DGKB: variants seen among roughly 807,000 people sequenced by gnomAD.
DGKB encodes the protein diacylglycerol kinase beta.
In DGKB, 67 loss-of-function variants were observed where a neutral mutation model predicts 114.3. The observed-to-expected ratio is 0.59, with a 90% CI of 0.48 to 0.72. DGKB has a LOEUF of 0.72. DGKB is among the 30% of genes least tolerant of loss of function. The pLI is 0.00. For missense variants in DGKB, 907 were observed against 975.2 expected (o/e 0.93, Z 0.93); for synonymous variants, 398 against 323.1 (o/e 1.23, Z -2.49).
intron 2 of DGKB, among the ~76,000 whole-genome samples, chr7:14,778,677 G>A (rs915752072): frequency 1.3e-5 from 2 of 152,116 alleles, no homozygotes; most frequent in Non-Finnish European, 2.9e-5. Flanking sequence ...ACTAAGAAAC[G>A]ATTGGTTTTA....
At chr7:14,221,957 G>C (rs1584540618) in intron 23 of DGKB, among the ~76,000 whole-genome samples, 1 of 151,180 alleles carries the variant, frequency 6.6e-6, no homozygotes, top group Admixed American at 6.6e-5. Flanking sequence ...ATTTTTTATA[G>C]TATTGTTATA....
intron 23 of DGKB, among the ~76,000 whole-genome samples, chr7:14,336,748 A>G (rs1244512030): frequency 1.3e-5 from 2 of 152,174 alleles, no homozygotes; most frequent in African/African-American, 2.4e-5. Context: ...AGGGTGAGTG[A>G]GCCCAGGTAA....
chr7:14,945,606 C>A (rs1207615441), intron 1 of DGKB, among the ~76,000 whole-genome samples: 1 of 151,656 alleles, frequency 6.6e-6, no homozygotes, highest in Non-Finnish European at 1.5e-5. Context: ...GGCACACGCA[C>A]AAGTACAAGA....
In DGKB at chr7:14,485,096, CCACACACACACACA is replaced by C. The variant is rs10563734; in HGVS notation, c.1771-6885_1771-6872del. On this transcript the variant is annotated intron_variant, in intron 20 of 25. Transcript: ENST00000402815. ...ATAATTACTGAAAGACACACACACA[CCACACACACACACA>C]CACACACACACACACACACACACAC... Among the ~76,000 whole-genome samples the C allele has an allele frequency of 2.8e-3, 391 of 141,608 alleles. 2 individuals are homozygous for C. The highest frequency in any genetic ancestry group is 8.1e-3 in the African/African-American group (309 of 38,162). 92.9% of individuals were successfully genotyped at this position (141,608 alleles called of 152,430 possible).
intron 2 of DGKB, among the ~76,000 whole-genome samples, chr7:14,821,397 T>C (rs1372529727): frequency 6.6e-6 from 1 of 152,054 alleles, no homozygotes; most frequent in Non-Finnish European, 1.5e-5. Context: ...TCACATTAAC[T>C]GTGTTGAAGA....
intron 23 of DGKB, among the ~76,000 whole-genome samples, chr7:14,308,137 G>C (rs1450303726): frequency 6.6e-6 from 1 of 151,922 alleles, no homozygotes; most frequent in African/African-American, 2.4e-5. Context: ...TATTTTAAAA[G>C]AAAATCATAA....
intron 21 of DGKB, among the ~76,000 whole-genome samples, chr7:14,367,449 A>G (rs1816866292): frequency 6.6e-6 from 1 of 151,950 alleles, no homozygotes; most frequent in Non-Finnish European, 1.5e-5. Flanking sequence ...GATGCCATGT[A>G]AGATGTTCCT....
chr7:14,869,160 A>G (rs1025641794), intron 1 of DGKB, among the ~76,000 whole-genome samples: 3 of 152,224 alleles, frequency 2.0e-5, no homozygotes, highest in African/African-American at 7.2e-5. Context: ...GCATCTTGCC[A>G]AAGGGAATAT....
intron 13 of DGKB, among the ~76,000 whole-genome samples, chr7:14,653,780 C>T (rs547320236): frequency 7.2e-5 from 11 of 152,016 alleles, no homozygotes; most frequent in South Asian, 2.1e-4. Flanking sequence ...AAAAGTCTTA[C>T]GATCATCATA....
chr7:14,393,077 C>CTT (rs1270190442), intron 21 of DGKB, among the ~76,000 whole-genome samples: 1 of 144,018 alleles, frequency 6.9e-6, no homozygotes, highest in Non-Finnish European at 1.5e-5. Flanking sequence ...CAAGCTCTGC[C>CTT]CCCTGGGGTT....
intron 1 of DGKB, among the ~76,000 whole-genome samples, chr7:14,877,704 G>A (rs1398832706): frequency 6.6e-6 from 1 of 152,182 alleles, no homozygotes; most frequent in Non-Finnish European, 1.5e-5. Context: ...AGAAAACTGA[G>A]CTTGTGATAA....
chr7:14,789,788 C>T (rs1840410684), intron 2 of DGKB, among the ~76,000 whole-genome samples: 1 of 152,080 alleles, frequency 6.6e-6, no homozygotes, highest in African/African-American at 2.4e-5. Flanking sequence ...TTTCATTCCT[C>T]CCAGAGTGCA....
At chr7:14,886,772 C>A (rs958392291) in intron 1 of DGKB, among the ~76,000 whole-genome samples, 1 of 151,744 alleles carries the variant, frequency 6.6e-6, no homozygotes, top group Non-Finnish European at 1.5e-5. Flanking sequence ...GTAATCCCAT[C>A]GAAACATAAA....
At chr7:14,387,896 T>TC (rs1304778727) in intron 21 of DGKB, among the ~76,000 whole-genome samples, 16 of 147,908 alleles carry the variant, frequency 1.1e-4, no homozygotes, top group East Asian at 2.0e-4. Context: ...TTTTTTTTTT[T>TC]TTTGACACAG....
At chr7:14,701,628 C>A (rs767038679) in intron 7 of DGKB, 53 bp downstream of exon 7, 27 of 1,313,832 alleles carry the variant, frequency 2.1e-5, no homozygotes, top group Non-Finnish European at 2.8e-5. Flanking sequence ...TCATTGCATT[C>A]TTCAGAAGAA....
Position 14,735,929 on chromosome 7 carries a change from C to A in DGKB, c.322+112G>T. 4 of 631,610 alleles carry A rather than the reference C, an allele frequency of 6.3e-6. No individual in the cohort carries two copies. In the South Asian group the frequency reaches 1.1e-4, roughly 18 times the overall value. 39.1% of individuals were successfully genotyped at this position (631,610 alleles called of 1,614,324 possible). A position where few individuals can be genotyped will look rare whatever the true frequency, so the allele number is the denominator to read the frequency against. ...ACAATCTTATTGTAAAAGTCTAAACCCTGTAACAAAACAATTTTTATGCAA... is the reference window on the plus strand; with the variant it reads ...ACAATCTTATTGTAAAAGTCTAAACACTGTAACAAAACAATTTTTATGCAA... On this transcript the variant is annotated intron_variant, in intron 5 of 25. Transcript: ENST00000402815.
chr7:14,512,129 T>A (rs1342752542), intron 20 of DGKB, among the ~76,000 whole-genome samples: 1 of 152,178 alleles, frequency 6.6e-6, no homozygotes, highest in Non-Finnish European at 1.5e-5. Context: ...CAAAATAGGG[T>A]TGCCATAGAC....
intron 2 of DGKB, among the ~76,000 whole-genome samples, chr7:14,782,938 T>A (rs765504165): frequency 1.1e-3 from 163 of 152,006 alleles, no homozygotes; most frequent in Non-Finnish European, 3.2e-4. Flanking sequence ...GCTCAAGAAA[T>A]CCCCCAGCCT....
intron 21 of DGKB, among the ~76,000 whole-genome samples, chr7:14,393,224 C>T (rs1450806989): frequency 2.6e-5 from 4 of 151,388 alleles, no homozygotes; most frequent in South Asian, 2.1e-4. Flanking sequence ...CTCCTGACCT[C>T]GTGATCCGCC....
Sources: allele counts gnomAD v4.1 joint callset (sites outside exome capture counted in the v4.1 genomes callset), GRCh38; gene constraint gnomAD v4.1.1; transcripts MANE v1.5; gene names NCBI Gene and HGNC (gene_info 2026-07-23, HGNC 2026-07-21).